Variants in SLAIN2 observed in about 807,000 individuals in gnomAD.
SLAIN2 encodes SLAIN family member 2, also known as SLAIN motif-containing protein 2.
A neutral mutation model predicts 56.6 loss-of-function variants in SLAIN2; 31 were observed. The ratio of observed to expected loss-of-function variants is 0.55; its 90% confidence interval spans 0.41 to 0.74. The LOEUF (loss-of-function observed/expected upper bound fraction) is 0.74, where lower values mean the gene tolerates loss of function less well. SLAIN2 is among the 30% of genes least tolerant of loss of function. The pLI, the probability that SLAIN2 is intolerant of heterozygous loss-of-function variation, is 0.00. For missense variants in SLAIN2, 777 were observed against 754.2 expected (o/e 1.03, Z -0.35); for synonymous variants, 317 against 284.9 (o/e 1.11, Z -1.13).
intron 6 of SLAIN2, among the ~76,000 whole-genome samples, chr4:48,400,167 T>G (rs1205870295): frequency 2.0e-5 from 3 of 152,132 alleles, no homozygotes; most frequent in South Asian, 2.1e-4. Flanking sequence ...ATTTATTACC[T>G]CCTCAATTTC....
chr4:48,383,196 A>G (rs1396370392), intron 5 of SLAIN2, among the ~76,000 whole-genome samples: 3 of 151,070 alleles, frequency 2.0e-5, no homozygotes, highest in African/African-American at 7.3e-5. Flanking sequence ...AAAAGTTTCT[A>G]GATTAAAAAA....
chr4:48,418,616 T>C (rs1717062758), intron 6 of SLAIN2, among the ~76,000 whole-genome samples: 1 of 152,234 alleles, frequency 6.6e-6, no homozygotes, highest in African/African-American at 2.4e-5. Flanking sequence ...GTTTTCTTTT[T>C]TGATACTGTC....
rs113633614 is a variant in SLAIN2 at position 48,393,530 on chromosome 4, T to C, written c.1360+9746T>C. On this transcript the variant is annotated intron_variant, in intron 6 of 7. Transcript: ENST00000264313. ...CCTGTAAGTGCTGGGATTATAGGCA[T>C]GAACCACCTCACTTGGCCAAGAAAT... is the stretch of plus-strand genomic sequence containing the variant. 3.1e-3 allele frequency among the ~76,000 whole-genome samples: 478 copies of C among 152,260 alleles called. 4 individuals carry two copies. The highest frequency in any genetic ancestry group is 0.011 in the African/African-American group (457 of 41,546).
At chr4:48,418,438 T>G (rs1452380959) in intron 6 of SLAIN2, among the ~76,000 whole-genome samples, 1 of 152,194 alleles carries the variant, frequency 6.6e-6, no homozygotes, top group Non-Finnish European at 1.5e-5. Flanking sequence ...TTCATCCTGT[T>G]ACTGTGGATT....
intron 1 of SLAIN2, among the ~76,000 whole-genome samples, chr4:48,359,793 C>T (rs992755563): frequency 6.6e-6 from 1 of 152,112 alleles, no homozygotes; most frequent in African/African-American, 2.4e-5. Flanking sequence ...TTATTGTAAG[C>T]TTTATATAAC....
chr4:48,368,699 A>T (rs1040554024), intron 1 of SLAIN2, among the ~76,000 whole-genome samples: 81 of 152,230 alleles, frequency 5.3e-4, no homozygotes, highest in African/African-American at 1.9e-3. Context: ...TTTTGAATTG[A>T]TAGTTATTCC....
rs762918190 is a variant in SLAIN2 at position 48,425,130 on chromosome 4, A to G, written c.*3053A>G. On this transcript the variant is annotated 3_prime_UTR_variant, in exon 8 of 8. Transcript: ENST00000264313. ...CTCAGTTGAGTTTTTCTTTAACCAC[A>G]GAAACCCAAATCATATTGCCCTTTC... 3 of 152,130 alleles carry G rather than the reference A, an allele frequency of 2.0e-5. No individual in the cohort carries two copies. Among genetic ancestry groups the G allele is most frequent in the Non-Finnish European group, 2.9e-5 (2 of 67,984 alleles). The allele number at this position is 152,130 out of a possible 1,614,324, so 9.4% of individuals were successfully genotyped here. A position where few individuals can be genotyped will look rare whatever the true frequency, so the allele number is the denominator to read the frequency against.
chr4:48,365,243 C>T (rs1275612407), intron 1 of SLAIN2, among the ~76,000 whole-genome samples: 2 of 151,492 alleles, frequency 1.3e-5, no homozygotes, highest in Non-Finnish European at 2.9e-5. Flanking sequence ...CTGAGGCAGA[C>T]GAATCACTTG....
chr4:48,404,354 T>A (rs1337739525), intron 6 of SLAIN2, among the ~76,000 whole-genome samples: 3 of 152,234 alleles, frequency 2.0e-5, no homozygotes, highest in Admixed American at 6.5e-5. Flanking sequence ...AATTGTCTTC[T>A]CTTTTCTATC....
At chr4:48,369,228 C>T (rs1405573150) in intron 1 of SLAIN2, among the ~76,000 whole-genome samples, 1 of 152,134 alleles carries the variant, frequency 6.6e-6, no homozygotes, top group African/African-American at 2.4e-5. Flanking sequence ...TACACACTTC[C>T]TTATCTTCTG....
In SLAIN2 at chr4:48,382,837, C is replaced by T. The variant is rs767181073; in HGVS notation, c.1132C>T (p.Pro378Ser). Residue 378 changes from proline to serine, a missense_variant, in exon 5 of 8, where the codon CCA becomes TCA. Pro to Ser is a moderately conservative substitution (Grantham distance 74). Transcript: ENST00000264313. ...GGGAATAGAATATAGTAGAGTGTCC[C>T]CACAGCCTATGATTAGCCGCTTACA... ...ARGIEYSRVS[P>S]QPMISRLQQP... is the part of the protein sequence containing the mutation. The T allele has an allele frequency of 1.1e-5, 17 of 1,613,642 alleles. No homozygotes were observed. The highest frequency in any genetic ancestry group is 1.4e-5 in the Non-Finnish European group (16 of 1,179,862).
At chr4:48,394,724 A>G (rs1331432913) in intron 6 of SLAIN2, 11 of 1,265,512 alleles carry the variant, frequency 8.7e-6, no homozygotes, top group Non-Finnish European at 1.2e-5. Flanking sequence ...CATTTGGCAT[A>G]CTGAGTCAGT....
chr4:48,349,543 A>G (rs1471072729), intron 1 of SLAIN2, among the ~76,000 whole-genome samples: 1 of 152,218 alleles, frequency 6.6e-6, no homozygotes, highest in Non-Finnish European at 1.5e-5. Flanking sequence ...TAGCCAAAAT[A>G]CTGGCATCGC....
intron 1 of SLAIN2, among the ~76,000 whole-genome samples, chr4:48,355,003 G>C (rs1448082916): frequency 6.6e-6 from 1 of 151,856 alleles, no homozygotes; most frequent in African/African-American, 2.4e-5. Flanking sequence ...GATTTCAAGC[G>C]ATTCTCCTGC....
In SLAIN2 at chr4:48,422,285, A is replaced by G. The variant is rs546630410; in HGVS notation, c.*208A>G. 6.1e-5 allele frequency: 30 copies of G among 491,432 alleles called. No homozygotes were observed. Among genetic ancestry groups the G allele is most frequent in the Admixed American group, 2.8e-4 (8 of 28,270 alleles). The allele number at this position is 491,432 out of a possible 1,614,324, so 30.4% of individuals were successfully genotyped here. ...ATCAGATGTGTTTGGTAATCATACAATCACTCTCCATAGAATCACTTTTAG... is the reference window on the plus strand; with the variant it reads ...ATCAGATGTGTTTGGTAATCATACAGTCACTCTCCATAGAATCACTTTTAG... On this transcript the variant is annotated 3_prime_UTR_variant, in exon 8 of 8. Transcript: ENST00000264313.
At chr4:48,400,388 CTTTTTTTTTT>C (rs3081372) in intron 6 of SLAIN2, among the ~76,000 whole-genome samples, 5 of 96,448 alleles carry the variant, frequency 5.2e-5, no homozygotes, top group African/African-American at 4.2e-5. Context: ...TTTGATTCTT[CTTTTTTTTTT>C]TTTTTTTTTT....
rs1432769845 is a variant in SLAIN2, at chr4:48,423,997, AAT to A, written c.*1927_*1928del. 6 of 152,264 alleles carry A rather than the reference AAT, an allele frequency of 3.9e-5. No homozygotes were observed. The highest frequency in any genetic ancestry group is 8.8e-5 in the Non-Finnish European group (6 of 68,000). The allele number at this position is 152,264 out of a possible 1,614,324, so 9.4% of individuals were successfully genotyped here. A position where few individuals can be genotyped will look rare whatever the true frequency, so the allele number is the denominator to read the frequency against. On this transcript the variant is annotated 3_prime_UTR_variant, in exon 8 of 8. Transcript: ENST00000264313. Reference sequence around the variant, plus strand: ...CAGTTTTCAGTGCAACATTTCAAAAAATATATATGCTGCAATCTAATAATTAA... The same window carrying A: ...CAGTTTTCAGTGCAACATTTCAAAAAATATATGCTGCAATCTAATAATTAA...
chr4:48,409,051 A>T (rs1053916317), intron 6 of SLAIN2, among the ~76,000 whole-genome samples: 3 of 152,266 alleles, frequency 2.0e-5, no homozygotes, highest in African/African-American at 2.4e-5. Context: ...ATTTTTAAAA[A>T]TTTTTTGTGT....
At chr4:48,401,472 A>G (rs1269684390) in intron 6 of SLAIN2, among the ~76,000 whole-genome samples, 1 of 152,204 alleles carries the variant, frequency 6.6e-6, no homozygotes, top group Non-Finnish European at 1.5e-5. Context: ...ATTGGGTTAC[A>G]TATATACTTA....
Sources: allele counts gnomAD v4.1 joint callset (sites outside exome capture counted in the v4.1 genomes callset), GRCh38; gene constraint gnomAD v4.1.1; transcripts MANE v1.5; gene names NCBI Gene and HGNC (gene_info 2026-07-23, HGNC 2026-07-21).